Variants in MCTP2 observed in about 807,000 individuals in gnomAD.
The protein encoded by MCTP2 is multiple C2 and transmembrane domain containing 2.
In MCTP2, 132 loss-of-function variants were observed where a neutral mutation model predicts 111.6. The ratio of observed to expected loss-of-function variants is 1.18; its 90% CI spans 1.03 to 1.37. The LOEUF (loss-of-function observed/expected upper bound fraction) is 1.37. Ranked by LOEUF, MCTP2 falls within the 40% of genes most tolerant of loss-of-function variation. The pLI is 0.00. For synonymous variants in MCTP2, 395 were observed against 387.7 expected (o/e 1.02, Z -0.22); for missense variants, 1,183 against 1,067.9 (o/e 1.11, Z -1.50).
intron 12 of MCTP2, 97 bp downstream of exon 12, chr15:94,370,277 C>A (rs1368841): frequency 0.15 from 137,291 of 922,950 alleles, 10,970 homozygotes; most frequent in Admixed American, 0.2. Flanking sequence ...AGAAGTATGA[C>A]TATAACAGTC....
At chr15:94,329,995 CT>C (rs1400814941) in intron 4 of MCTP2, among the ~76,000 whole-genome samples, 1 of 152,136 alleles carries the variant, frequency 6.6e-6, no homozygotes, top group Admixed American at 6.5e-5. Flanking sequence ...AAGTCTTCTA[CT>C]TTTTGTTTGT....
At chr15:94,465,639 C>T (rs527713968) in intron 20 of MCTP2, among the ~76,000 whole-genome samples, 1 of 152,092 alleles carries the variant, frequency 6.6e-6, no homozygotes, top group South Asian at 2.1e-4. Flanking sequence ...TCAAATGTTT[C>T]TCTTGTATCT....
intron 1 of MCTP2, among the ~76,000 whole-genome samples, chr15:94,275,624 A>G (rs2152305269): frequency 6.6e-6 from 1 of 152,194 alleles, no homozygotes; most frequent in South Asian, 2.1e-4. Flanking sequence ...TATTTATTGC[A>G]ACTCACTGAT....
intron 1 of MCTP2, among the ~76,000 whole-genome samples, chr15:94,254,315 C>G (rs6497182): frequency 0.43 from 64,838 of 151,708 alleles, 14,176 homozygotes; most frequent in Middle Eastern, 0.57. Context: ...ATCCCAGTTA[C>G]GTAGGGATGG....
intron 1 of MCTP2, among the ~76,000 whole-genome samples, chr15:94,249,396 G>A (rs976931531): frequency 6.6e-6 from 1 of 152,030 alleles, no homozygotes; most frequent in African/African-American, 2.4e-5. Context: ...GATGGAGATG[G>A]TAATACCAGC....
intron 17 of MCTP2, 106 bp from the exon 18 acceptor site, chr15:94,440,070 A>T (rs1184583023): frequency 7.8e-7 from 1 of 1,286,454 alleles, no homozygotes; most frequent in Non-Finnish European, 1.1e-6. Flanking sequence ...TCTGAATGTG[A>T]CTAGAAAGAG....
At chr15:94,476,047 TCA>T (rs938606379) in intron 21 of MCTP2, among the ~76,000 whole-genome samples, 69 of 152,348 alleles carry the variant, frequency 4.5e-4, no homozygotes, top group African/African-American at 1.5e-3. Context: ...TAATAACTTT[TCA>T]CAGTTTCCTG....
At chr15:94,386,019 T>A (rs2152457145) in intron 14 of MCTP2, among the ~76,000 whole-genome samples, 1 of 152,320 alleles carries the variant, frequency 6.6e-6, no homozygotes, top group East Asian at 1.9e-4. Context: ...GTCTCAAAAT[T>A]TAAAAATGCT....
chr15:94,452,691 G>C (rs560328684), intron 19 of MCTP2, among the ~76,000 whole-genome samples: 1 of 152,294 alleles, frequency 6.6e-6, no homozygotes, highest in South Asian at 2.1e-4. Context: ...CCCAGTTCAA[G>C]CAGGGTATAG....
At chr15:94,400,053 G>A in intron 16 of MCTP2, 58 bp downstream of exon 16, 1 of 1,416,108 alleles carries the variant, frequency 7.1e-7, no homozygotes, top group South Asian at 1.2e-5. Context: ...AGCAGCTGAA[G>A]TATTAACACT....
intron 20 of MCTP2, among the ~76,000 whole-genome samples, chr15:94,458,570 A>G (rs1339104084): frequency 1.3e-5 from 2 of 152,246 alleles, no homozygotes; most frequent in Non-Finnish European, 1.5e-5. Flanking sequence ...CAGAAATAAA[A>G]AGAGAAGCAA....
chr15:94,424,131 TA>T (rs779570574), intron 17 of MCTP2, among the ~76,000 whole-genome samples: 11 of 152,172 alleles, frequency 7.2e-5, no homozygotes, highest in Non-Finnish European at 1.5e-4. Flanking sequence ...TTAGAAATCA[TA>T]AAAAAAATTT....
intron 4 of MCTP2, among the ~76,000 whole-genome samples, chr15:94,321,031 G>A (rs1405817532): frequency 1.3e-5 from 2 of 152,128 alleles, no homozygotes; most frequent in Non-Finnish European, 2.9e-5. Context: ...GATGAGGCTG[G>A]GGGACAAAAT....
intron 10 of MCTP2, among the ~76,000 whole-genome samples, chr15:94,366,322 G>C (rs1329258826): frequency 1.3e-5 from 2 of 152,076 alleles, no homozygotes; most frequent in Admixed American, 1.3e-4. Context: ...CCTGTAATTG[G>C]GGTCACTTTT....
intron 17 of MCTP2, among the ~76,000 whole-genome samples, chr15:94,410,509 C>T (rs2082107064): frequency 6.6e-6 from 1 of 151,440 alleles, no homozygotes; most frequent in Non-Finnish European, 1.5e-5. Context: ...AGTTTGAGTC[C>T]AGCCTGGGCA....
At chr15:94,274,636 C>T (rs1026192302) in intron 1 of MCTP2, among the ~76,000 whole-genome samples, 7 of 152,046 alleles carry the variant, frequency 4.6e-5, no homozygotes, top group African/African-American at 1.7e-4. Flanking sequence ...ACTCCCCCCT[C>T]CCCACAACAG....
chr15:94,340,956 C>G (rs1177208011), intron 7 of MCTP2, 32 bp downstream of exon 7: 3 of 1,393,696 alleles, frequency 2.2e-6, no homozygotes, highest in African/African-American at 2.9e-5. Flanking sequence ...TTTGAAACCT[C>G]TCATTTTGTC....
intron 4 of MCTP2, 69 bp downstream of exon 4, chr15:94,315,706 T>C: frequency 8.8e-7 from 1 of 1,131,664 alleles, no homozygotes; most frequent in South Asian, 1.3e-5. Flanking sequence ...GTATCAATAT[T>C]GTCAGTCAGG....
At chr15:94,235,242 G>T (rs1596114839) in intron 1 of MCTP2, among the ~76,000 whole-genome samples, 2 of 135,930 alleles carry the variant, frequency 1.5e-5, no homozygotes, top group Middle Eastern at 3.9e-3. Context: ...AGACAAGAGC[G>T]AAACTCCGTC....
Sources: allele counts gnomAD v4.1 joint callset (sites outside exome capture counted in the v4.1 genomes callset), GRCh38; gene constraint gnomAD v4.1.1; transcripts MANE v1.5; gene names NCBI Gene and HGNC (gene_info 2026-07-23, HGNC 2026-07-21).